Variants in NUDCD3 observed in about 807,000 individuals in gnomAD.
NUDCD3 encodes the protein NudC domain containing 3.
NUDCD3 carries 13 observed loss-of-function variants against 39.7 expected under a neutral mutation model. That is an observed-to-expected ratio of 0.33 (90% CI 0.21 to 0.52). The LOEUF is 0.52. Among genes scored for constraint, NUDCD3 ranks in the 20% least tolerant of loss-of-function variants. The pLI is 0.96. For synonymous variants in NUDCD3, 175 were observed against 172.4 expected (o/e 1.02, Z -0.12); for missense variants, 453 against 458.1 (o/e 0.99, Z 0.10).
chr7:44,414,834 A>C (rs1798991904), intron 3 of NUDCD3, among the ~76,000 whole-genome samples: 1 of 152,208 alleles, frequency 6.6e-6, no homozygotes, highest in Non-Finnish European at 1.5e-5. Flanking sequence ...CAGCACTTAC[A>C]TCAAGCTCAC....
intron 2 of NUDCD3, among the ~76,000 whole-genome samples, chr7:44,457,335 GA>G (rs1222600950): frequency 2.6e-5 from 4 of 152,116 alleles, no homozygotes; most frequent in Middle Eastern, 3.2e-3. Context: ...AGTTAAGCAA[GA>G]AAATAAATAG....
intron 3 of NUDCD3, among the ~76,000 whole-genome samples, chr7:44,417,019 T>C (rs1309769878): frequency 6.6e-6 from 1 of 152,242 alleles, no homozygotes; most frequent in East Asian, 1.9e-4. Context: ...TTAGGTTCTA[T>C]ACGGCACCTG....
At chr7:44,387,185 A>G (rs1310503267) in intron 5 of NUDCD3, among the ~76,000 whole-genome samples, 2 of 152,128 alleles carry the variant, frequency 1.3e-5, no homozygotes, top group Non-Finnish European at 2.9e-5. Flanking sequence ...TTTTACAGAT[A>G]GGGTCTCACT....
At chr7:44,435,756 G>C (rs1225247314) in intron 2 of NUDCD3, among the ~76,000 whole-genome samples, 3 of 152,198 alleles carry the variant, frequency 2.0e-5, no homozygotes, top group Non-Finnish European at 4.4e-5. Flanking sequence ...ACCTGTGACA[G>C]AAGGATCCAG....
At chr7:44,490,359 G>C (rs1345531264) in intron 1 of NUDCD3, 50 bp downstream of exon 1, 21 of 1,471,408 alleles carry the variant, frequency 1.4e-5, no homozygotes, top group Non-Finnish European at 1.9e-5. Flanking sequence ...CCAGGAGTCA[G>C]GGCAGGCCGG....
chr7:44,416,221 C>T (rs1799020031), intron 3 of NUDCD3, among the ~76,000 whole-genome samples: 1 of 152,032 alleles, frequency 6.6e-6, no homozygotes, highest in African/African-American at 2.4e-5. Flanking sequence ...GTAGCTAGGA[C>T]TACAGCAGCG....
At chr7:44,419,347 T>C (rs1406772405) in intron 3 of NUDCD3, among the ~76,000 whole-genome samples, 5 of 152,038 alleles carry the variant, frequency 3.3e-5, no homozygotes, top group African/African-American at 1.2e-4. Flanking sequence ...GGCTTATAGA[T>C]AAAACTCCCA....
intron 2 of NUDCD3, among the ~76,000 whole-genome samples, chr7:44,480,475 T>A (rs1240189222): frequency 6.6e-6 from 1 of 152,180 alleles, no homozygotes; most frequent in Non-Finnish European, 1.5e-5. Context: ...ATAGTTTGAA[T>A]TCTCCCCTTC....
rs190818357 is a variant in NUDCD3, at chr7:44,394,811, G to A, written c.787-2326C>T. ...TCGGCCTACATACCATCCAGGGGAC[G>A]GTGCTGGTGCTCTCAGGCCTTTTGG... On this transcript the variant is annotated intron_variant, in intron 4 of 5. Transcript: ENST00000355451. 1.2e-3 allele frequency among the ~76,000 whole-genome samples: 176 copies of A among 152,250 alleles called. No homozygotes were observed. In the Middle Eastern group the frequency reaches 0.024, roughly 21 times the overall value.
Position 44,427,676 on chromosome 7 carries a change from G to A in NUDCD3, c.537C>T (p.Pro179=), listed in dbSNP as rs145685201. The A allele has an allele frequency of 1.6e-3, 2,535 of 1,613,848 alleles. 8 individuals are homozygous for A. The highest frequency in any genetic ancestry group is 2.0e-3 in the South Asian group (186 of 91,068). Residue 179 remains proline (P), a synonymous_variant, in exon 3 of 6, where the codon CCC becomes CCT. Transcript: ENST00000355451. ...PRIQEQFQKN[P]DSYNGAVREN... ...CTCGGACAGCACCATTGTAACTGTC[G>A]GGATTTTTCTGGAACTGCTCCTGAA...
At chr7:44,391,361 G>A (rs753079602) in intron 5 of NUDCD3, among the ~76,000 whole-genome samples, 4 of 152,082 alleles carry the variant, frequency 2.6e-5, no homozygotes, top group Non-Finnish European at 5.9e-5. Context: ...AGGCAAGAAC[G>A]GACGAGACAC....
At chr7:44,473,431 G>A (rs1800297076) in intron 2 of NUDCD3, among the ~76,000 whole-genome samples, 1 of 152,140 alleles carries the variant, frequency 6.6e-6, no homozygotes. Context: ...AAAGAGTTGT[G>A]AGGACAGTGA....
intron 2 of NUDCD3, among the ~76,000 whole-genome samples, chr7:44,437,896 CTACTT>C (rs1799495530): frequency 6.6e-6 from 1 of 152,122 alleles, no homozygotes; most frequent in South Asian, 2.1e-4. Flanking sequence ...TACTATAAAA[CTACTT>C]TAACTTAGTA....
chr7:44,408,998 G>A (rs1346996157), intron 3 of NUDCD3, among the ~76,000 whole-genome samples: 1 of 152,176 alleles, frequency 6.6e-6, no homozygotes, highest in Non-Finnish European at 1.5e-5. Flanking sequence ...AGTGTCTGTT[G>A]AAAATACGGC....
At chr7:44,449,603 T>C (rs1010555156) in intron 2 of NUDCD3, among the ~76,000 whole-genome samples, 3 of 152,028 alleles carry the variant, frequency 2.0e-5, no homozygotes, top group African/African-American at 7.2e-5. Context: ...CAGAAACATA[T>C]AAAAGTTTAG....
chr7:44,415,836 C>T lies in NUDCD3; in HGVS notation c.643-11253G>A, dbSNP rs542657905. ...AGTTGAGTTGTTGCAGCCGGGGTTA[C>T]CATCGTGACAATGTCCCATAGGTGC... On this transcript the variant is annotated intron_variant, in intron 3 of 5. Transcript: ENST00000355451. 1.3e-3 allele frequency among the ~76,000 whole-genome samples: 191 copies of T among 152,244 alleles called. 1 individual carries two copies. The highest frequency in any genetic ancestry group is 1.9e-3 in the Non-Finnish European group (129 of 68,032).
chr7:44,429,311 T>C (rs1420990802), intron 2 of NUDCD3, among the ~76,000 whole-genome samples: 3 of 152,158 alleles, frequency 2.0e-5, no homozygotes, highest in African/African-American at 7.2e-5. Flanking sequence ...TACAACAAGG[T>C]CATTAGGGTG....
chr7:44,399,294 AT>A (rs1798679468), intron 4 of NUDCD3, among the ~76,000 whole-genome samples: 1 of 152,232 alleles, frequency 6.6e-6, no homozygotes, highest in African/African-American at 2.4e-5. Flanking sequence ...CTGATGAAGG[AT>A]TCTGATTTCC....
At chr7:44,474,375 C>T (rs1013494424) in intron 2 of NUDCD3, among the ~76,000 whole-genome samples, 2 of 152,186 alleles carry the variant, frequency 1.3e-5, no homozygotes, top group Admixed American at 1.3e-4. Context: ...GGTAGTTCTG[C>T]TTCAATTCCC....
Sources: gnomAD v4.1 joint callset for allele counts (sites outside exome capture counted in the v4.1 genomes callset) on GRCh38, gnomAD v4.1.1 for gene constraint, MANE v1.5 for transcripts, NCBI Gene and HGNC (gene_info 2026-07-23, HGNC 2026-07-21) for gene names.